The following MAST4 variants were observed in gnomAD, a reference collection of about 807,000 sequenced individuals.
The protein encoded by MAST4 is microtubule-associated serine/threonine-protein kinase 4.
A neutral mutation model predicts 162.7 loss-of-function variants in MAST4; 89 were observed. The ratio of observed to expected loss-of-function variants is 0.55; its 90% CI spans 0.46 to 0.65. The LOEUF (loss-of-function observed/expected upper bound fraction) is 0.65. Among genes scored for constraint, MAST4 ranks in the 30% least tolerant of loss-of-function variants. The pLI, the probability that MAST4 is intolerant of heterozygous loss-of-function variation, is 0.00. For synonymous variants in MAST4, 1,479 were observed against 1,361.1 expected (o/e 1.09, Z -1.91); for missense variants, 3,153 against 3,374.0 (o/e 0.93, Z 1.62).
intron 4 of MAST4, among the ~76,000 whole-genome samples, chr5:67,001,229 C>T (rs575221662): frequency 9.2e-5 from 14 of 151,996 alleles, no homozygotes; most frequent in African/African-American, 2.7e-4. Flanking sequence ...TTGTGTTTAC[C>T]GACTGCTCTG....
chr5:66,723,471 G>C (rs1476078876), intron 1 of MAST4, among the ~76,000 whole-genome samples: 2 of 152,156 alleles, frequency 1.3e-5, no homozygotes, highest in Admixed American at 6.5e-5. Flanking sequence ...CTATGGAACT[G>C]CTGACTTTGC....
At chr5:66,855,618 T>A (rs906804759) in intron 3 of MAST4, among the ~76,000 whole-genome samples, 2 of 151,880 alleles carry the variant, frequency 1.3e-5, no homozygotes, top group Non-Finnish European at 2.9e-5. Context: ...AGTGTAAGGG[T>A]GCTGTGATGG....
intron 1 of MAST4, among the ~76,000 whole-genome samples, chr5:66,715,382 T>C (rs1561281710): frequency 6.6e-6 from 1 of 152,148 alleles, no homozygotes; most frequent in Non-Finnish European, 1.5e-5. Flanking sequence ...TGTTGATGAT[T>C]TTTTTGGCAT....
chr5:67,037,057 T>C (rs1756109867), intron 4 of MAST4, among the ~76,000 whole-genome samples: 1 of 152,046 alleles, frequency 6.6e-6, no homozygotes, highest in African/African-American at 2.4e-5. Context: ...ACCTGCCACA[T>C]AAAAGAGGTC....
rs1056640012 is a variant in MAST4, at chr5:66,707,672, T to C, written c.364-52037T>C. 2.0e-5 allele frequency among the ~76,000 whole-genome samples: 3 copies of C among 152,224 alleles called. No homozygotes were observed. The East Asian group carries it at 5.8e-4, about 29-fold the overall frequency. On this transcript the variant is annotated intron_variant, in intron 1 of 28. Coordinates refer to ENST00000403625, the MANE Select transcript of MAST4 (RefSeq NM_001164664.2). ...TAGATACTTAACCTAAATACCTCTC[T>C]AAAGACCCTATCTCCAAATACAGTG...
chr5:67,139,313 T>C (rs1297472393), intron 19 of MAST4, among the ~76,000 whole-genome samples: 3 of 152,172 alleles, frequency 2.0e-5, no homozygotes, highest in African/African-American at 4.8e-5. Flanking sequence ...TTAGAGAGGC[T>C]GAGAAAAAGG....
At chr5:66,742,015 G>A (rs1453982071) in intron 1 of MAST4, among the ~76,000 whole-genome samples, 3 of 152,194 alleles carry the variant, frequency 2.0e-5, no homozygotes, top group Non-Finnish European at 2.9e-5. Context: ...ATGAGCATCT[G>A]TACTCCCAGA....
intron 1 of MAST4, among the ~76,000 whole-genome samples, chr5:66,694,819 G>A (rs530562709): frequency 2.6e-5 from 4 of 152,236 alleles, no homozygotes; most frequent in African/African-American, 7.2e-5. Context: ...GTTTTTGGCT[G>A]CATAAATGTC....
At chr5:66,933,759 ATTC>A (rs1393722624) in intron 4 of MAST4, among the ~76,000 whole-genome samples, 1 of 152,210 alleles carries the variant, frequency 6.6e-6, no homozygotes, top group African/African-American at 2.4e-5. Flanking sequence ...ATTTAGAGGC[ATTC>A]TTCTAATTTA....
intron 1 of MAST4, among the ~76,000 whole-genome samples, chr5:66,640,447 A>G (rs936534867): frequency 6.6e-6 from 1 of 152,018 alleles, no homozygotes; most frequent in African/African-American, 2.4e-5. Flanking sequence ...AGCTGGGACT[A>G]CAGGCACCCG....
chr5:66,862,324 A>T (rs1760177500), intron 3 of MAST4, among the ~76,000 whole-genome samples: 1 of 152,230 alleles, frequency 6.6e-6, no homozygotes, highest in South Asian at 2.1e-4. Flanking sequence ...CTCATTAAAA[A>T]ATGTGTGCCA....
At chr5:66,737,443 A>C (rs1356940271) in intron 1 of MAST4, among the ~76,000 whole-genome samples, 1 of 152,204 alleles carries the variant, frequency 6.6e-6, no homozygotes, top group Non-Finnish European at 1.5e-5. Flanking sequence ...TTTCAAAAGT[A>C]AGCCACTAAG....
At chr5:66,777,890 T>C (rs539124241) in intron 2 of MAST4, among the ~76,000 whole-genome samples, 6 of 152,024 alleles carry the variant, frequency 3.9e-5, no homozygotes, top group Non-Finnish European at 8.8e-5. Flanking sequence ...TGAGAAAAAA[T>C]GGTTCTATTT....
intron 4 of MAST4, among the ~76,000 whole-genome samples, chr5:67,026,950 A>G (rs1306632051): frequency 6.6e-6 from 1 of 152,152 alleles, no homozygotes; most frequent in Non-Finnish European, 1.5e-5. Flanking sequence ...TTAGCCAGTT[A>G]CCTTTATTTG....
intron 2 of MAST4, among the ~76,000 whole-genome samples, chr5:66,771,358 T>C (rs1754351137): frequency 6.6e-6 from 1 of 152,104 alleles, no homozygotes; most frequent in African/African-American, 2.4e-5. Flanking sequence ...CTAATTTTTT[T>C]TGTATTTTTG....
intron 3 of MAST4, among the ~76,000 whole-genome samples, chr5:66,857,771 A>G (rs1580674751): frequency 6.6e-6 from 1 of 152,218 alleles, no homozygotes; most frequent in East Asian, 1.9e-4. Context: ...GATATTAGAA[A>G]TATCTTATTT....
chr5:66,939,463 GTTAAT>G (rs1331608497), intron 4 of MAST4, among the ~76,000 whole-genome samples: 4 of 152,038 alleles, frequency 2.6e-5, no homozygotes, highest in African/African-American at 9.7e-5. Context: ...ATATCTCATT[GTTAAT>G]TTAATTTGAA....
intron 1 of MAST4, among the ~76,000 whole-genome samples, chr5:66,680,516 C>T (rs75930533): frequency 0.013 from 1,957 of 152,244 alleles, 18 homozygotes; most frequent in Non-Finnish European, 0.02. Flanking sequence ...TGAAGGCTGG[C>T]GCTAACCACA....
At chr5:66,858,475 T>G (rs1294664493) in intron 3 of MAST4, among the ~76,000 whole-genome samples, 1 of 152,150 alleles carries the variant, frequency 6.6e-6, no homozygotes, top group Non-Finnish European at 1.5e-5. Context: ...CACCTCCAGT[T>G]TATACTACAT....
Sources: gnomAD v4.1 joint callset for allele counts (sites outside exome capture counted in the v4.1 genomes callset) on GRCh38, gnomAD v4.1.1 for gene constraint, MANE v1.5 for transcripts, NCBI Gene and HGNC (gene_info 2026-07-23, HGNC 2026-07-21) for gene names.